MPP7: variants seen among roughly 807,000 people sequenced by gnomAD.
The protein encoded by MPP7 is MAGUK p55 scaffold protein 7.
MPP7 carries 60 observed loss-of-function variants against 76.5 expected under a neutral mutation model. The ratio of observed to expected loss-of-function variants is 0.78; its 90% confidence interval spans 0.64 to 0.97. MPP7 has a LOEUF of 0.97. Ranked by LOEUF, MPP7 falls within the 50% of genes least tolerant of loss-of-function variation. The pLI, the probability that MPP7 is intolerant of heterozygous loss-of-function variation, is 0.00. For synonymous variants in MPP7, 237 were observed against 244.5 expected, an observed-to-expected ratio of 0.97 and a Z score of 0.29; for missense variants, 641 against 694.0, an observed-to-expected ratio of 0.92 and a Z score of 0.86.
chr10:28,062,141 A>G (rs1213001355), intron 13 of MPP7, among the ~76,000 whole-genome samples: 1 of 152,188 alleles, frequency 6.6e-6, no homozygotes, highest in Non-Finnish European at 1.5e-5. Context: ...ATATATGACT[A>G]TTTTAAAGAA....
intron 11 of MPP7, chr10:28,118,986 G>A: frequency 2.0e-6 from 2 of 985,336 alleles, no homozygotes; most frequent in Non-Finnish European, 2.4e-6. Context: ...TAGGCGAGGT[G>A]GAACAGGGAA....
intron 13 of MPP7, among the ~76,000 whole-genome samples, chr10:28,064,951 C>T (rs890736984): frequency 3.3e-5 from 5 of 152,056 alleles, no homozygotes; most frequent in South Asian, 2.1e-4. Context: ...GTATATAACA[C>T]GATTAATATC....
At position 28,219,147 on chromosome 10, in the gene MPP7, C is replaced by G. The variant is rs754393699; in HGVS notation, c.38-16876G>C. On this transcript the variant is annotated intron_variant, in intron 2 of 16. Transcript: ENST00000683449. ...CTATTGCTTTCTCACAGAATTTGAACAAATATAACTTATTGCTTTTAAACC... is the reference window on the plus strand; with the variant it reads ...CTATTGCTTTCTCACAGAATTTGAAGAAATATAACTTATTGCTTTTAAACC... Among the ~76,000 whole-genome samples the G allele has an allele frequency of 4.9e-4, 75 of 152,038 alleles. 1 individual carries two copies. Among genetic ancestry groups the G allele is most frequent in the Non-Finnish European group, 2.1e-4 (14 of 67,992 alleles).
At chr10:28,293,316 A>G (rs1330131452) in intron 1 of MPP7, among the ~76,000 whole-genome samples, 2 of 152,242 alleles carry the variant, frequency 1.3e-5, no homozygotes, top group Non-Finnish European at 2.9e-5. Flanking sequence ...ATTCCACTGC[A>G]TTAGTAATCA....
intron 2 of MPP7, among the ~76,000 whole-genome samples, chr10:28,236,199 A>G (rs1232940478): frequency 6.6e-6 from 1 of 152,314 alleles, no homozygotes; most frequent in African/African-American, 2.4e-5. Context: ...TTAAATGTGT[A>G]CATCTTCCCT....
At chr10:28,177,952 T>C (rs35494924) in intron 3 of MPP7, among the ~76,000 whole-genome samples, 44,474 of 151,886 alleles carry the variant, frequency 0.29, 7,796 homozygotes, top group East Asian at 0.48. Flanking sequence ...AGGCAGCAGA[T>C]TCCAGGTCTC....
chr10:28,220,990 G>A (rs1251823558), intron 2 of MPP7, among the ~76,000 whole-genome samples: 1 of 152,048 alleles, frequency 6.6e-6, no homozygotes, highest in Non-Finnish European at 1.5e-5. Context: ...AGGGATAAAA[G>A]TATCTTAAAT....
intron 13 of MPP7, among the ~76,000 whole-genome samples, chr10:28,065,951 CTATTT>C (rs1217703437): frequency 6.6e-6 from 1 of 152,058 alleles, no homozygotes; most frequent in East Asian, 1.9e-4. Context: ...TTTTTGTTAC[CTATTT>C]TATTTTAATT....
intron 3 of MPP7, among the ~76,000 whole-genome samples, chr10:28,156,154 CCTTA>C (rs1471384122): frequency 6.6e-6 from 1 of 152,124 alleles, no homozygotes; most frequent in East Asian, 1.9e-4. Context: ...CAATTCCGCC[CCTTA>C]CTTATGCTTA....
At chr10:28,123,687 G>A (rs1266620764) in intron 8 of MPP7, among the ~76,000 whole-genome samples, 4 of 151,880 alleles carry the variant, frequency 2.6e-5, no homozygotes, top group Admixed American at 1.3e-4. Flanking sequence ...GGCCAGGCTG[G>A]TCTTAAGCTC....
chr10:28,110,858 A>G (rs1186268750), intron 11 of MPP7, among the ~76,000 whole-genome samples: 1 of 152,202 alleles, frequency 6.6e-6, no homozygotes, highest in Non-Finnish European at 1.5e-5. Flanking sequence ...ATTTAAGACT[A>G]CTGACAGAAT....
chr10:28,243,901 AT>A (rs1403457102), intron 1 of MPP7, among the ~76,000 whole-genome samples: 1 of 152,230 alleles, frequency 6.6e-6, no homozygotes, highest in Non-Finnish European at 1.5e-5. Context: ...TTTAATAGTT[AT>A]TTTTAAATTA....
intron 1 of MPP7, among the ~76,000 whole-genome samples, chr10:28,296,570 A>G (rs1044601141): frequency 3.9e-5 from 6 of 152,212 alleles, no homozygotes; most frequent in Non-Finnish European, 5.9e-5. Context: ...TGGATATCGC[A>G]ACTGCTATGT....
chr10:28,230,000 G>A (rs966647506), intron 2 of MPP7, among the ~76,000 whole-genome samples: 1 of 152,120 alleles, frequency 6.6e-6, no homozygotes, highest in Admixed American at 6.5e-5. Flanking sequence ...TGTAAGTTGG[G>A]AACATATGAA....
intron 1 of MPP7, among the ~76,000 whole-genome samples, chr10:28,259,668 T>C (rs1197656583): frequency 6.6e-6 from 1 of 151,468 alleles, no homozygotes; most frequent in Non-Finnish European, 1.5e-5. Flanking sequence ...TAGTTATGTT[T>C]TCTAATATGC....
At chr10:28,254,784 G>C (rs1326824355) in intron 1 of MPP7, 1 of 152,212 alleles carries the variant, frequency 6.6e-6, no homozygotes, top group Non-Finnish European at 1.5e-5. Flanking sequence ...CCGCAGTGGA[G>C]TGCTGGCTGT....
chr10:28,066,761 A>G (rs1160327665), intron 13 of MPP7, among the ~76,000 whole-genome samples: 1 of 152,216 alleles, frequency 6.6e-6, no homozygotes, highest in Non-Finnish European at 1.5e-5. Flanking sequence ...AAATGAAATC[A>G]CGCTGCCTCA....
At chr10:28,055,370 T>C (rs577694651) in intron 16 of MPP7, among the ~76,000 whole-genome samples, 7 of 152,366 alleles carry the variant, frequency 4.6e-5, no homozygotes, top group African/African-American at 1.7e-4. Flanking sequence ...AAATGTGATC[T>C]GTATTTTGTA....
At chr10:28,165,821 T>C (rs932970918) in intron 3 of MPP7, among the ~76,000 whole-genome samples, 1 of 152,014 alleles carries the variant, frequency 6.6e-6, no homozygotes, top group African/African-American at 2.4e-5. Flanking sequence ...GTTCAGGAGT[T>C]CGAGACCAGC....
Sources: allele counts gnomAD v4.1 joint callset (sites outside exome capture counted in the v4.1 genomes callset), GRCh38; gene constraint gnomAD v4.1.1; transcripts MANE v1.5; gene names NCBI Gene and HGNC (gene_info 2026-07-23, HGNC 2026-07-21).